The following PARP15 variants were observed in gnomAD, a reference collection of about 807,000 sequenced individuals.
The protein encoded by PARP15 is protein mono-ADP-ribosyltransferase PARP15.
In PARP15, 50 loss-of-function variants were observed where a neutral mutation model predicts 62.1. The ratio of observed to expected loss-of-function variants is 0.81; its 90% CI spans 0.64 to 1.02. The LOEUF (loss-of-function observed/expected upper bound fraction) is 1.02. Among genes scored for constraint, PARP15 ranks in the 50% least tolerant of loss-of-function variants. PARP15 has a pLI of 0.00. For synonymous variants in PARP15, 309 were observed against 293.1 expected (o/e 1.05, Z -0.55); for missense variants, 820 against 826.5 (o/e 0.99, Z 0.10).
At chr3:122,625,317 G>A (rs1427656383) in intron 8 of PARP15, among the ~76,000 whole-genome samples, 16 of 152,040 alleles carry the variant, frequency 1.1e-4, no homozygotes, top group Middle Eastern at 3.2e-3. Context: ...TCAGTGGCAC[G>A]ATCTTGGCTC....
intron 9 of PARP15, among the ~76,000 whole-genome samples, chr3:122,631,166 A>C (rs1419890025): frequency 6.6e-6 from 1 of 152,250 alleles, no homozygotes; most frequent in African/African-American, 2.4e-5. Context: ...AAAGATCCTG[A>C]AGGAGATGGA....
At chr3:122,598,560 AG>A (rs1442034860) in intron 1 of PARP15, among the ~76,000 whole-genome samples, 2 of 152,172 alleles carry the variant, frequency 1.3e-5, no homozygotes, top group Non-Finnish European at 2.9e-5. Context: ...TGGGAGGAAG[AG>A]GGAAAGAGAG....
intron 1 of PARP15, chr3:122,594,504 A>G: frequency 2.1e-6 from 2 of 974,284 alleles, no homozygotes; most frequent in Non-Finnish European, 2.4e-6. Context: ...TCCTCAAACG[A>G]TCTCAAATTG....
At chr3:122,596,588 T>C (rs1934376818) in intron 1 of PARP15, among the ~76,000 whole-genome samples, 1 of 152,180 alleles carries the variant, frequency 6.6e-6, no homozygotes, top group Non-Finnish European at 1.5e-5. Context: ...CTTCAAGATA[T>C]ATTCAGAATC....
intron 1 of PARP15, chr3:122,594,910 G>A: frequency 1.0e-6 from 1 of 954,360 alleles, no homozygotes; most frequent in Non-Finnish European, 1.2e-6. Flanking sequence ...CCCAAAAATG[G>A]AAGAGAAAGA....
rs1218972695 is a variant in PARP15 at position 122,637,531 on chromosome 3, A to G, written c.*1431A>G. On this transcript the variant is annotated 3_prime_UTR_variant, in exon 12 of 12. Transcript: ENST00000464300. The stretch of plus-strand genomic sequence containing the variant: ...TCTTAAAATGCTTAGCAGCTCATTT[A>G]TCCTGAAGCATCACTTTTGAAGAGT... 1 of 152,220 alleles carries G rather than the reference A, an allele frequency of 6.6e-6. No individual in the cohort carries two copies. The highest frequency in any genetic ancestry group is 2.4e-5 in the African/African-American group (1 of 41,450). The allele number at this position is 152,220 out of a possible 1,614,324, so 9.4% of individuals were successfully genotyped here. A position where few individuals can be genotyped will look rare whatever the true frequency, so the allele number is the denominator to read the frequency against.
At chr3:122,622,489 T>C (rs1051100697) in intron 8 of PARP15, among the ~76,000 whole-genome samples, 1 of 152,222 alleles carries the variant, frequency 6.6e-6, no homozygotes, top group Non-Finnish European at 1.5e-5. Flanking sequence ...CAGAGAGTTG[T>C]TGAATTCCAG....
At chr3:122,626,549 G>A (rs1392013258) in intron 8 of PARP15, among the ~76,000 whole-genome samples, 2 of 152,164 alleles carry the variant, frequency 1.3e-5, no homozygotes, top group Non-Finnish European at 2.9e-5. Flanking sequence ...GGCCATCTCT[G>A]TGATTTGGGC....
intron 1 of PARP15, among the ~76,000 whole-genome samples, 174 bp from the exon 2 acceptor site, chr3:122,605,762 C>T (rs1935118571): frequency 6.6e-6 from 1 of 151,792 alleles, no homozygotes; most frequent in Non-Finnish European, 1.5e-5. Context: ...TTTATTTTTT[C>T]GTAGAGACAG....
chr3:122,616,920 AG>A, intron 5 of PARP15, 94 bp from the exon 6 acceptor site: 1 of 1,373,926 alleles, frequency 7.3e-7, no homozygotes, highest in Non-Finnish European at 9.9e-7. Context: ...GAAAAGAAAG[AG>A]GGCTGAGCTG....
chr3:122,588,021 A>G (rs1295293797), intron 1 of PARP15, among the ~76,000 whole-genome samples: 3 of 152,152 alleles, frequency 2.0e-5, no homozygotes, highest in Non-Finnish European at 2.9e-5. Flanking sequence ...TTTATCAGAT[A>G]TATCTTTTGC....
chr3:122,624,750 GC>G (rs1278186051), intron 8 of PARP15, among the ~76,000 whole-genome samples: 1 of 152,162 alleles, frequency 6.6e-6, no homozygotes, highest in African/African-American at 2.4e-5. Flanking sequence ...AAGGAAAGTT[GC>G]GTTAGGAATC....
intron 4 of PARP15, chr3:122,615,331 GT>G: frequency 7.7e-7 from 1 of 1,291,268 alleles, no homozygotes. Flanking sequence ...GTATGTATTT[GT>G]TGTTAATCAA....
intron 6 of PARP15, among the ~76,000 whole-genome samples, chr3:122,618,983 G>A (rs1426698235): frequency 6.6e-6 from 1 of 152,166 alleles, no homozygotes; most frequent in African/African-American, 2.4e-5. Flanking sequence ...AAATTGAAAA[G>A]AGATTTTTTT....
chr3:122,580,003 A>ATATGTATATG (rs1186850532), intron 1 of PARP15, among the ~76,000 whole-genome samples: 1 of 94,242 alleles, frequency 1.1e-5, no homozygotes, highest in Non-Finnish European at 2.3e-5. Context: ...CTATATGTAT[A>ATATGTATATG]TATATATATA....
In PARP15 at chr3:122,577,826, C is replaced by G. The variant is rs1482635953; in HGVS notation, c.159C>G (p.Ala53=). Residue 53 remains alanine, a synonymous_variant, in exon 1 of 12, where the codon GCC becomes GCG. Transcript: ENST00000464300. ...CCGGGAACCGTGGGGCGCGGAAGGC[C>G]TCCCGGCGCTCTTCCTCCCGGAGTA... is the stretch of plus-strand genomic sequence containing the variant. ...LPAGNRGARK[A]SRRSSSRSMS... 1.2e-5 allele frequency: 19 copies of G among 1,549,928 alleles called. No homozygotes were observed. Among genetic ancestry groups the G allele is most frequent in the Non-Finnish European group, 1.7e-5 (19 of 1,146,124 alleles).
intron 1 of PARP15, among the ~76,000 whole-genome samples, chr3:122,592,798 C>G (rs1934030012): frequency 6.6e-6 from 1 of 152,184 alleles, no homozygotes; most frequent in South Asian, 2.1e-4. Flanking sequence ...AAATGACTTG[C>G]CCAAAGTCAC....
intron 1 of PARP15, chr3:122,594,726 T>G: frequency 5.2e-6 from 5 of 965,362 alleles, no homozygotes; most frequent in Non-Finnish European, 4.9e-6. Context: ...ACAATACCAA[T>G]AAGTTGATTT....
rs1397967031 is a variant in PARP15 at position 122,577,790 on chromosome 3, C to T, written c.123C>T (p.Ser41=). Residue 41 remains serine, a synonymous_variant, in exon 1 of 12, where the codon AGC becomes AGT. Transcript: ENST00000464300. Reference sequence around the variant, plus strand: ...CCGGACGAGATCGGGAGGCGGGGAGCGTGCTGCCGGCCGGGAACCGTGGGG... The same window carrying T: ...CCGGACGAGATCGGGAGGCGGGGAGTGTGCTGCCGGCCGGGAACCGTGGGG... ...SRAGRDREAG[S]VLPAGNRGAR... 2.1e-5 allele frequency: 33 copies of T among 1,551,314 alleles called. No homozygotes were observed. In the African/African-American group the frequency reaches 3.4e-4, roughly 16 times the overall value.
Sources: allele counts gnomAD v4.1 joint callset (sites outside exome capture counted in the v4.1 genomes callset), GRCh38; gene constraint gnomAD v4.1.1; transcripts MANE v1.5; gene names NCBI Gene and HGNC (gene_info 2026-07-23, HGNC 2026-07-21).